PLEKHA1: variants seen among roughly 807,000 people sequenced by gnomAD.
PLEKHA1 encodes pleckstrin homology domain containing A1.
In PLEKHA1, 34 loss-of-function variants were observed where a neutral mutation model predicts 52.0. That is an observed-to-expected ratio of 0.65 (90% CI 0.50 to 0.87). PLEKHA1 has a LOEUF of 0.87. Among genes scored for constraint, PLEKHA1 ranks in the 40% least tolerant of loss-of-function variants. PLEKHA1 has a pLI of 0.00. For missense variants in PLEKHA1, 497 were observed against 504.2 expected, an observed-to-expected ratio of 0.99 and a Z score of 0.14; for synonymous variants, 163 against 170.7, an observed-to-expected ratio of 0.95 and a Z score of 0.35.
At chr10:122,394,625 A>G (rs979998072) in intron 2 of PLEKHA1, among the ~76,000 whole-genome samples, 1 of 152,152 alleles carries the variant, frequency 6.6e-6, no homozygotes, top group African/African-American at 2.4e-5. Flanking sequence ...ATTCTTCACT[A>G]TATACTGATT....
rs1403728962 is a variant in PLEKHA1 at position 122,432,284 on chromosome 10, G to A, written c.*2346G>A. 1 of 152,118 alleles carries A rather than the reference G, an allele frequency of 6.6e-6. No homozygotes were observed. Among genetic ancestry groups the A allele is most frequent in the Non-Finnish European group, 1.5e-5 (1 of 68,034 alleles). 9.4% of individuals were successfully genotyped at this position (152,118 alleles called of 1,614,324 possible). A position where few individuals can be genotyped will look rare whatever the true frequency, so the allele number is the denominator to read the frequency against. The stretch of plus-strand genomic sequence containing the variant: ...GCCTCCCAACATTTACTGTTAAAGT[G>A]TGTTATCTTTATATGTCAAACTGGT... On this transcript the variant is annotated 3_prime_UTR_variant, in exon 12 of 12. Coordinates refer to ENST00000368990, the MANE Select transcript of PLEKHA1 (RefSeq NM_001001974.4).
In PLEKHA1 at chr10:122,429,960, C is replaced by T. The variant is rs372713152; in HGVS notation, c.*22C>T. 9.5e-6 allele frequency: 15 copies of T among 1,584,284 alleles called. No individual in the cohort carries two copies. The highest frequency in any genetic ancestry group is 1.3e-5 in the Non-Finnish European group (15 of 1,165,922). The stretch of plus-strand genomic sequence containing the variant: ...GTGAGGCAGAAGCGCACGGAGCCTG[C>T]CTGCCTCTGCCGTCCTCAGTTTCCT... On this transcript the variant is annotated 3_prime_UTR_variant, in exon 12 of 12. Coordinates refer to ENST00000368990, the MANE Select transcript of PLEKHA1 (RefSeq NM_001001974.4).
chr10:122,400,178 G>T (rs2096908028), intron 3 of PLEKHA1, among the ~76,000 whole-genome samples, 165 bp from the exon 4 acceptor site: 1 of 152,124 alleles, frequency 6.6e-6, no homozygotes, highest in African/African-American at 2.4e-5. Context: ...TGCATCCTAT[G>T]TATTTAAATT....
intron 4 of PLEKHA1, among the ~76,000 whole-genome samples, chr10:122,405,115 G>A (rs1382612206): frequency 1.3e-5 from 2 of 152,096 alleles, no homozygotes; most frequent in Non-Finnish European, 2.9e-5. Flanking sequence ...AACTGTATGT[G>A]CACATGTGCT....
Position 122,396,317 on chromosome 10 carries a change from T to C in PLEKHA1, c.142-1601T>C, listed in dbSNP as rs530759942. Among the ~76,000 whole-genome samples the C allele has an allele frequency of 5.9e-5, 9 of 152,222 alleles. No homozygotes were observed. In the South Asian group the frequency reaches 1.7e-3, roughly 28 times the overall value. On this transcript the variant is annotated intron_variant, in intron 2 of 11. Transcript: ENST00000368990. ...GTAGTTAGAGATTCTTGAAGACATA[T>C]TTACATTTCTTTTCCTTCTTTAAAG...
At chr10:122,438,155 C>G in the PLEKHA1 span, 3 of 152,202 alleles carry the variant, frequency 2.0e-5, no homozygotes, top group Admixed American at 1.3e-4. Context: ...ACTTGGGAGG[C>G]TGAGGCGGGA....
chr10:122,382,816 A>G (rs1159520129), intron 1 of PLEKHA1, among the ~76,000 whole-genome samples: 1 of 152,236 alleles, frequency 6.6e-6, no homozygotes, highest in African/African-American at 2.4e-5. Flanking sequence ...TCATATCAAC[A>G]TATTTACATT....
intron 4 of PLEKHA1, among the ~76,000 whole-genome samples, chr10:122,403,928 G>A (rs1201507565): frequency 6.6e-6 from 1 of 152,184 alleles, no homozygotes; most frequent in Non-Finnish European, 1.5e-5. Context: ...CTGACCTCAA[G>A]TGACTGGCCT....
intron 4 of PLEKHA1, among the ~76,000 whole-genome samples, chr10:122,400,823 G>A (rs1301818270): frequency 6.6e-6 from 1 of 152,210 alleles, no homozygotes; most frequent in Non-Finnish European, 1.5e-5. Context: ...CAAATGTTTA[G>A]TATATGCCAG....
chr10:122,425,438 G>A (rs1310307774), intron 10 of PLEKHA1: 7 of 152,208 alleles, frequency 4.6e-5, no homozygotes, highest in Admixed American at 4.6e-4. Context: ...AAAGATTTGG[G>A]CCGGCTGTGT....
chr10:122,385,147 G>A (rs1347557445), intron 1 of PLEKHA1, among the ~76,000 whole-genome samples: 1 of 151,824 alleles, frequency 6.6e-6, no homozygotes, highest in Non-Finnish European at 1.5e-5. Context: ...TTCACCCTCA[G>A]CTCCAAGCAA....
intron 1 of PLEKHA1, among the ~76,000 whole-genome samples, chr10:122,381,441 C>T (rs570373499): frequency 6.6e-6 from 1 of 152,308 alleles, no homozygotes; most frequent in African/African-American, 2.4e-5. Context: ...TCCCTACTTT[C>T]TGTTCTCATG....
intron 4 of PLEKHA1, among the ~76,000 whole-genome samples, chr10:122,401,601 G>C (rs1178641089): frequency 6.6e-6 from 1 of 152,166 alleles, no homozygotes; most frequent in African/African-American, 2.4e-5. Context: ...GAGTTGAAAT[G>C]GTGGGGAACT....
intron 5 of PLEKHA1, among the ~76,000 whole-genome samples, chr10:122,407,254 A>G (rs1168568524): frequency 6.6e-6 from 1 of 152,138 alleles, no homozygotes; most frequent in Non-Finnish European, 1.5e-5. Context: ...TTTTCCTTGC[A>G]TTCCAGGGCT....
At chr10:122,398,437 C>T (rs1370443607) in intron 3 of PLEKHA1, among the ~76,000 whole-genome samples, 1 of 151,750 alleles carries the variant, frequency 6.6e-6, no homozygotes, top group African/African-American at 2.4e-5. Context: ...TGTCTCTTTT[C>T]ATTTCTGTTT....
In PLEKHA1 at chr10:122,415,959, G is replaced by A; in HGVS notation, c.569G>A (p.Ser190Asn). ...TTTACTCCTAAACCACCTCAAGATA[G>A]TGCGGTTATCAAAGCTGGATATTGT... Reference protein sequence around the residue: ...PYFTPKPPQDSAVIKAGYCVK... With the variant: ...PYFTPKPPQDNAVIKAGYCVK... Residue 190 changes from serine (S) to asparagine (N), a missense_variant, in exon 7 of 12, where the codon AGT (serine) becomes AAT (asparagine). Transcript: ENST00000368990. 1 of 1,613,360 alleles carries A rather than the reference G, an allele frequency of 6.2e-7. No individual in the cohort carries two copies. The highest frequency in any genetic ancestry group is 8.5e-7 in the Non-Finnish European group (1 of 1,179,590).
At chr10:122,407,946 C>T (rs887349013) in intron 5 of PLEKHA1, among the ~76,000 whole-genome samples, 2 of 152,100 alleles carry the variant, frequency 1.3e-5, no homozygotes, top group East Asian at 1.9e-4. Flanking sequence ...AGAGTTTAGT[C>T]GAATCTTTTT....
At chr10:122,407,558 C>G (rs1208177071) in intron 5 of PLEKHA1, among the ~76,000 whole-genome samples, 1 of 152,188 alleles carries the variant, frequency 6.6e-6, no homozygotes, top group Admixed American at 6.5e-5. Context: ...TCTCCTTACT[C>G]TTTTGTTCCT....
intron 1 of PLEKHA1, among the ~76,000 whole-genome samples, chr10:122,379,362 A>C (rs941182883): frequency 3.3e-5 from 5 of 152,180 alleles, no homozygotes; most frequent in Non-Finnish European, 7.3e-5. Flanking sequence ...AGACTACTTA[A>C]GTCTGCCTTC....
Sources: allele counts gnomAD v4.1 joint callset (sites outside exome capture counted in the v4.1 genomes callset), GRCh38; gene constraint gnomAD v4.1.1; transcripts MANE v1.5; gene names NCBI Gene and HGNC (gene_info 2026-07-23, HGNC 2026-07-21).